Variants in SZT2 observed in about 807,000 individuals in gnomAD.
SZT2 encodes the protein KICSTOR complex protein SZT2.
In SZT2, 216 loss-of-function variants were observed where a neutral mutation model predicts 404.2. That is an observed-to-expected ratio of 0.53 (90% CI 0.48 to 0.60). SZT2 has a LOEUF of 0.60. Ranked by LOEUF, SZT2 falls within the 20% of genes least tolerant of loss-of-function variation. The pLI, the probability that SZT2 is intolerant of heterozygous loss-of-function variation, is 0.00. For synonymous variants in SZT2, 1,693 were observed against 1,749.9 expected (o/e 0.97, Z 0.81); for missense variants, 3,857 against 4,459.2 (o/e 0.86, Z 3.85).
In SZT2 at chr1:43,453,742, A is replaced by G. The variant is rs6692611; in HGVS notation, c.*3262A>G. 888,140 of 1,382,212 alleles carry G rather than the reference A, an allele frequency of 0.64. 287,200 individuals carry two copies. The highest frequency in any genetic ancestry group is 0.68 in the African/African-American group (44,881 of 65,566). The allele number at this position is 1,382,212 out of a possible 1,614,324, so 85.6% of individuals were successfully genotyped here. ...GCCCGCACCCGCGCGGGGAGGCCGG[A>G]GAGCTCGGGGAATAGCCAGGACAGA... On this transcript the variant is annotated 3_prime_UTR_variant, in exon 72 of 72. Transcript: ENST00000634258.
In SZT2 at chr1:43,394,510, T is replaced by G. The variant is rs561277019; in HGVS notation, c.27+4515T>G. ...CTTTGAAAAACACCATTCTAGCTGC[T>G]TAAATTATTAAGTCTTCTAGTTATG... On this transcript the variant is annotated intron_variant, in intron 1 of 71. Coordinates refer to ENST00000634258, the MANE Select transcript of SZT2 (RefSeq NM_001365999.1). Among the ~76,000 whole-genome samples the G allele has an allele frequency of 3.9e-5, 6 of 152,380 alleles. No individual in the cohort carries two copies. In the East Asian group the frequency reaches 9.6e-4, roughly 24 times the overall value.
Position 43,428,534 on chromosome 1 carries a change from C to G in SZT2, c.4166+48C>G, listed in dbSNP as rs766551513. 1.6e-5 allele frequency: 26 copies of G among 1,587,470 alleles called. No individual in the cohort carries two copies. The East Asian group carries it at 5.8e-4, about 36-fold the overall frequency. The stretch of plus-strand genomic sequence containing the variant: ...GGATAAGGGGGTACACAGACCAAGT[C>G]CCTATAAACAAGGACCTTCCAGTCC... On this transcript the variant is annotated intron_variant, in intron 28 of 71. Coordinates refer to ENST00000634258, the MANE Select transcript of SZT2 (RefSeq NM_001365999.1).
rs1316284082 is a variant in SZT2 at position 43,447,010 on chromosome 1, A to G, written c.9128A>G (p.His3043Arg). ...AAGGTGCGGGACCTGATGCACGTGC[A>G]CTCGTTCAGCTATGACTTCCATCTG... is the stretch of plus-strand genomic sequence containing the variant. Reference protein sequence around the residue: ...CDKVRDLMHVHSFSYDFHLRL... With the variant: ...CDKVRDLMHVRSFSYDFHLRL... Residue 3043 changes from histidine (H) to arginine (R), a missense_variant, in exon 66 of 72, where the codon CAC becomes CGC. His to Arg is a conservative substitution (Grantham distance 29). Around this residue, in one of 7 missense-constraint regions of SZT2, gnomAD observed 717 missense variants for 868.2 expected, o/e 0.83. Transcript: ENST00000634258. 1.2e-6 allele frequency: 2 copies of G among 1,613,732 alleles called. No homozygotes were observed. Among genetic ancestry groups the G allele is most frequent in the Admixed American group, 3.3e-5 (2 of 60,010 alleles).
At chr1:43,434,155 C>T (rs530642932) in intron 40 of SZT2, among the ~76,000 whole-genome samples, 54 of 152,318 alleles carry the variant, frequency 3.5e-4, no homozygotes, top group Non-Finnish European at 6.9e-4. Flanking sequence ...GTGAAGCAAG[C>T]GTGGAGCCTC....
In SZT2 at chr1:43,431,078, C is replaced by T. The variant is rs1009821020; in HGVS notation, c.4904C>T (p.Pro1635Leu). The change falls in exon 33 of 72, where the codon CCT becomes CTT. Residue 1635 changes from proline (P) to leucine (L), a missense_variant. This residue lies in a region of SZT2 where 1,725 missense variants were observed against 1,881.0 expected (regional missense o/e 0.92). Transcript: ENST00000634258. ...GTGGAGCTCCCCACGGCCTCGGACC[C>T]TCAGCACCACCGGTGTGGCAGCAAG... ...LEVELPTASD[P>L]QHHRSTSESS... 1.2e-6 allele frequency: 2 copies of T among 1,613,318 alleles called. No homozygotes were observed. Among genetic ancestry groups the T allele is most frequent in the Non-Finnish European group, 1.7e-6 (2 of 1,179,758 alleles).
chr1:43,421,020 T>A (rs760099354), intron 10 of SZT2, 37 bp downstream of exon 10: 1 of 1,595,056 alleles, frequency 6.3e-7, no homozygotes, highest in Non-Finnish European at 8.5e-7. Flanking sequence ...GCTGCCCCAT[T>A]TGTTGTATGG....
Position 43,432,730 on chromosome 1 carries a change from A to G in SZT2, c.5533A>G (p.Ser1845Gly). 1 of 1,613,982 alleles carries G rather than the reference A, an allele frequency of 6.2e-7. No homozygotes were observed. The highest frequency in any genetic ancestry group is 8.5e-7 in the Non-Finnish European group (1 of 1,179,960). Residue 1845 changes from serine to glycine, a missense_variant and splice_region_variant, in exon 39 of 72, where the codon AGT (serine) becomes GGT (glycine). Ser to Gly is a moderately conservative substitution (Grantham distance 56). Coordinates refer to ENST00000634258, the MANE Select transcript of SZT2 (RefSeq NM_001365999.1). Reference sequence around the variant, plus strand: ...AGGCATTTTCCTTCTCTATCCAGGGAGTCAGCCTGGGCCCAGCCGGGGATT... The same window carrying G: ...AGGCATTTTCCTTCTCTATCCAGGGGGTCAGCCTGGGCCCAGCCGGGGATT... ...ISLPRVPQGG[S>G]QPGPSRGLSL...
At chr1:43,416,397 A>G in intron 6 of SZT2, 138 bp from the exon 7 acceptor site, 1 of 722,930 alleles carries the variant, frequency 1.4e-6, no homozygotes, top group East Asian at 2.7e-5. Flanking sequence ...TTTGAAGTTT[A>G]TAAAACTTCA....
At position 43,414,317 on chromosome 1, in the gene SZT2, G is replaced by A. The variant is rs141025744; in HGVS notation, c.499-765G>A. ...ACAAACAAAAAAAACTTGAAGTGGT[G>A]GATACCCCATTTACCATGATTTAAT... On this transcript the variant is annotated intron_variant, in intron 4 of 71. Coordinates refer to ENST00000634258, the MANE Select transcript of SZT2 (RefSeq NM_001365999.1). 6.5e-3 allele frequency among the ~76,000 whole-genome samples: 995 copies of A among 151,912 alleles called. 8 individuals carry two copies. Among genetic ancestry groups the A allele is most frequent in the African/African-American group, 0.023 (939 of 41,412 alleles).
At position 43,425,580 on chromosome 1, in the gene SZT2, G is replaced by A. The variant is rs1653044543; in HGVS notation, c.2752G>A (p.Gly918Arg). Residue 918 changes from glycine to arginine, a missense_variant, in exon 19 of 72, where the codon GGA (glycine) becomes AGA (arginine). Physicochemically the swap from Gly to Arg is moderately radical, Grantham distance 125 (BLOSUM62 -2). Around this residue, in one of 7 missense-constraint regions of SZT2, gnomAD observed 1,725 missense variants for 1,881.0 expected, o/e 0.92. Coordinates refer to ENST00000634258, the MANE Select transcript of SZT2 (RefSeq NM_001365999.1). This position sits in a 1 kb window ranked among gnomAD's most constrained non-coding sequence, Gnocchi z 4.3. Reference sequence around the variant, plus strand: ...GGTGGAGCCACAGTATGGGCGAGTGGGACCTGGCCCTGGAATCTGGAAGCA... The same window carrying A: ...GGTGGAGCCACAGTATGGGCGAGTGAGACCTGGCCCTGGAATCTGGAAGCA... ...VWVEPQYGRVGPGPGIWKHLQ... is the reference protein window; with the variant it reads ...VWVEPQYGRVRPGPGIWKHLQ... The A allele has an allele frequency of 1.2e-6, 2 of 1,614,052 alleles. No homozygotes were observed. The highest frequency in any genetic ancestry group is 2.2e-5 in the East Asian group (1 of 44,888).
At chr1:43,394,697 G>A (rs191452489) in intron 1 of SZT2, among the ~76,000 whole-genome samples, 1 of 152,150 alleles carries the variant, frequency 6.6e-6, no homozygotes, top group African/African-American at 2.4e-5. Context: ...TCACCAGCAT[G>A]GAGAAACCTC....
At chr1:43,445,593 A>C in intron 62 of SZT2, 3 of 433,418 alleles carry the variant, frequency 6.9e-6, no homozygotes, top group African/African-American at 2.0e-5. Context: ...GTAGACAGGC[A>C]TCACCTTCCC....
chr1:43,426,906 T>G lies in SZT2; in HGVS notation c.3309+97T>G. The G allele has an allele frequency of 6.5e-7, 1 of 1,545,238 alleles. No homozygotes were observed. The highest frequency in any genetic ancestry group is 8.9e-7 in the Non-Finnish European group (1 of 1,127,784). On this transcript the variant is annotated intron_variant, in intron 23 of 71. Transcript: ENST00000634258. This position sits in a 1 kb window ranked among gnomAD's most constrained non-coding sequence, Gnocchi z 4.9. ...ACCTTCTACCGCCCTTGAGACTAAA[T>G]GGCATCTGCCAATGACACAATGCCG...
chr1:43,445,845 G>A, intron 62 of SZT2, 49 bp from the exon 63 acceptor site: 3 of 1,557,248 alleles, frequency 1.9e-6, no homozygotes, highest in Non-Finnish European at 1.8e-6. Flanking sequence ...CACCATGACT[G>A]CATGCCACTA....
Position 43,446,410 on chromosome 1 carries a change from C to T in SZT2, c.9066C>T (p.Asn3022=), listed in dbSNP as rs778019132. ...CSRIPMGQAV[N]SQLSMLFTEE... ...GAATCCCAATGGGGCAGGCTGTCAA[C>T]TCACAGGTATGTGAATGAGCTGCGG... Residue 3022 remains asparagine (N), a synonymous_variant, in exon 65 of 72, where the codon AAC becomes AAT. Transcript: ENST00000634258. 1 of 1,614,290 alleles carries T rather than the reference C, an allele frequency of 6.2e-7. No homozygotes were observed. The highest frequency in any genetic ancestry group is 1.1e-5 in the South Asian group (1 of 91,090).
Position 43,426,730 on chromosome 1 carries a change from T to A in SZT2, c.3230T>A (p.Leu1077Gln), listed in dbSNP as rs200084982. 3.7e-6 allele frequency: 6 copies of A among 1,612,472 alleles called. No individual in the cohort carries two copies. In the South Asian group the frequency reaches 6.6e-5, roughly 18 times the overall value. The part of the protein sequence containing the change: ...TCHVPGAEGP[L>Q]LGVHGIPKEQ... ...CCCATTGTAGGTGCCGAGGGGCCAC[T>A]GCTGGGGGTTCATGGGATCCCGAAG... The change falls in exon 23 of 72, where the codon CTG becomes CAG. Residue 1077 changes from leucine (L) to glutamine (Q), a missense_variant. Physicochemically the swap from Leu to Gln is moderately radical, Grantham distance 113. Coordinates refer to ENST00000634258, the MANE Select transcript of SZT2 (RefSeq NM_001365999.1). This position sits in a 1 kb window ranked among gnomAD's most constrained non-coding sequence, Gnocchi z 4.9.
chr1:43,452,819 A>T lies in SZT2; in HGVS notation c.*2339A>T. On this transcript the variant is annotated 3_prime_UTR_variant, in exon 72 of 72. Coordinates refer to ENST00000634258, the MANE Select transcript of SZT2 (RefSeq NM_001365999.1). ...GAATCAGCCCCACTTTGAGCCGTCC[A>T]CCTCCTCCCATCATCCCCTGATCTT... 7.2e-7 allele frequency: 1 copy of T among 1,398,538 alleles called. No individual in the cohort carries two copies. Among genetic ancestry groups the T allele is most frequent in the Non-Finnish European group, 9.9e-7 (1 of 1,010,834 alleles). The allele number at this position is 1,398,538 out of a possible 1,614,324, so 86.6% of individuals were successfully genotyped here. A position where few individuals can be genotyped will look rare whatever the true frequency, so the allele number is the denominator to read the frequency against.
chr1:43,439,692 C>T lies in SZT2; in HGVS notation c.6965C>T (p.Pro2322Leu). Residue 2322 changes from proline to leucine, a missense_variant, in exon 50 of 72, where the codon CCA becomes CTA. Pro to Leu is a moderately conservative substitution (Grantham distance 98). Coordinates refer to ENST00000634258, the MANE Select transcript of SZT2 (RefSeq NM_001365999.1). This position sits in a 1 kb window ranked among gnomAD's most constrained non-coding sequence, Gnocchi z 4.2. ...ALWPPSSPGPPDPLREEEFEQ... is the reference protein window; with the variant it reads ...ALWPPSSPGPLDPLREEEFEQ... The stretch of plus-strand genomic sequence containing the variant: ...TGGCCCCCCTCCTCTCCGGGGCCCC[C>T]AGACCCACTGCGAGAGGAGGAATTT... The T allele has an allele frequency of 6.2e-7, 1 of 1,612,630 alleles. No homozygotes were observed. The highest frequency in any genetic ancestry group is 8.5e-7 in the Non-Finnish European group (1 of 1,179,286).
intron 51 of SZT2, 45 bp from the exon 52 acceptor site, chr1:43,440,408 G>A: frequency 6.5e-7 from 1 of 1,528,744 alleles, no homozygotes; most frequent in Non-Finnish European, 8.8e-7. Flanking sequence ...CTAGAATGGG[G>A]ATTGATGATC....
Sources: gnomAD v4.1 joint callset for allele counts (sites outside exome capture counted in the v4.1 genomes callset) on GRCh38, gnomAD v4.1.1 for gene constraint, gnomAD v4.1.1 regional missense constraint, Gnocchi (gnomAD v3.1) non-coding constraint, MANE v1.5 for transcripts, NCBI Gene and HGNC (gene_info 2026-07-23, HGNC 2026-07-21) for gene names.